Variants in SGCD observed in about 807,000 individuals in gnomAD.
The protein encoded by SGCD is delta-sarcoglycan.
Under a neutral mutation model 36.6 loss-of-function variants are expected in SGCD, and 18 were observed. The observed-to-expected ratio is 0.49, with a 90% CI of 0.34 to 0.73. The LOEUF is 0.73. Among genes scored for constraint, SGCD ranks in the 30% least tolerant of loss-of-function variants. The pLI, the probability that SGCD is intolerant of heterozygous loss-of-function variation, is 0.01. For missense variants in SGCD, 387 were observed against 346.7 expected (o/e 1.12, Z -0.92); for synonymous variants, 133 against 130.6 (o/e 1.02, Z -0.12).
the SGCD span, among the ~76,000 whole-genome samples, chr5:155,765,104 C>G: frequency 6.6e-6 from 1 of 151,690 alleles, no homozygotes; most frequent in Non-Finnish European, 1.5e-5. Flanking sequence ...CATAGTGAAC[C>G]CCCATCTCTA....
intron 1 of SGCD, among the ~76,000 whole-genome samples, chr5:155,930,208 T>A (rs527487719): frequency 6.6e-6 from 1 of 152,352 alleles, no homozygotes; most frequent in South Asian, 2.1e-4. Context: ...GTGTATTAAC[T>A]GTTTGATATC....
chr5:156,120,269 G>C (rs1762006026), intron 2 of SGCD, among the ~76,000 whole-genome samples: 1 of 152,024 alleles, frequency 6.6e-6, no homozygotes, highest in South Asian at 2.1e-4. Context: ...GGGAGGTGAG[G>C]AGCAAAGTAA....
rs77721698 is a variant in SGCD, at chr5:156,279,546, A to T, written c.-43-49988A>T. Among the ~76,000 whole-genome samples, 1,103 of 152,340 alleles carry T rather than the reference A, an allele frequency of 7.2e-3. 7 individuals are homozygous for T. The highest frequency in any genetic ancestry group is 0.02 in the African/African-American group (851 of 41,584). On this transcript the variant is annotated intron_variant, in intron 3 of 9. Transcript: ENST00000517913. ...TGAATAGACAGTTCAAAAAGAAGAA[A>T]TGTGTGAAACTCACAAACATGTAAA...
At chr5:155,906,509 A>G (rs908292647) in intron 1 of SGCD, among the ~76,000 whole-genome samples, 1 of 152,214 alleles carries the variant, frequency 6.6e-6, no homozygotes, top group South Asian at 2.1e-4. Flanking sequence ...GAGAAAATAT[A>G]AAGTGCTACT....
At chr5:156,657,875 A>AT (rs1184511721) in intron 7 of SGCD, among the ~76,000 whole-genome samples, 1 of 124,828 alleles carries the variant, frequency 8.0e-6, no homozygotes, top group Middle Eastern at 3.4e-3. Flanking sequence ...TTCCCTTAGT[A>AT]TTTATTGATC....
intron 1 of SGCD, among the ~76,000 whole-genome samples, chr5:156,076,728 A>G (rs1428336407): frequency 6.6e-6 from 1 of 152,210 alleles, no homozygotes; most frequent in African/African-American, 2.4e-5. Context: ...GTTTCACAAC[A>G]ATGGAGCACC....
chr5:156,497,649 C>T (rs1363515579), intron 3 of SGCD, among the ~76,000 whole-genome samples: 1 of 152,012 alleles, frequency 6.6e-6, no homozygotes, highest in Non-Finnish European at 1.5e-5. Context: ...CTCTCTCACA[C>T]ACACACACAC....
chr5:156,142,631 T>A (rs1316826988), intron 3 of SGCD, among the ~76,000 whole-genome samples: 1 of 152,154 alleles, frequency 6.6e-6, no homozygotes, highest in Non-Finnish European at 1.5e-5. Context: ...TTGCTATGCA[T>A]TAGTAAAGAG....
the SGCD span, among the ~76,000 whole-genome samples, chr5:155,745,047 GC>G: frequency 9.8e-5 from 15 of 152,294 alleles, no homozygotes; most frequent in African/African-American, 3.6e-4. Context: ...CTGTTCAATG[GC>G]AGCAGTGGAG....
intron 3 of SGCD, among the ~76,000 whole-genome samples, chr5:156,274,040 G>T (rs1165953546): frequency 1.3e-5 from 2 of 152,064 alleles, no homozygotes; most frequent in Admixed American, 1.3e-4. Context: ...TCCCCAGGGG[G>T]CTGTACTGAC....
intron 1 of SGCD, among the ~76,000 whole-genome samples, chr5:155,883,249 A>G (rs977597562): frequency 3.9e-5 from 6 of 152,180 alleles, no homozygotes; most frequent in Non-Finnish European, 5.9e-5. Flanking sequence ...TTTTCTTACC[A>G]TTCATGTGTT....
chr5:156,124,746 G>T (rs1762130636), intron 3 of SGCD, among the ~76,000 whole-genome samples: 1 of 152,052 alleles, frequency 6.6e-6, no homozygotes, highest in South Asian at 2.1e-4. Flanking sequence ...TATAGATAGA[G>T]TGTTGGGGAG....
chr5:156,617,089 C>T (rs973866169), intron 6 of SGCD, among the ~76,000 whole-genome samples: 2 of 152,184 alleles, frequency 1.3e-5, no homozygotes, highest in African/African-American at 4.8e-5. Context: ...TATCCTTCCT[C>T]ATTAGAATGT....
intron 1 of SGCD, among the ~76,000 whole-genome samples, chr5:155,888,422 A>G (rs1405353676): frequency 1.3e-5 from 2 of 152,242 alleles, no homozygotes. Context: ...CTGTTATAAC[A>G]AAAGACAGGG....
intron 7 of SGCD, among the ~76,000 whole-genome samples, chr5:156,690,338 A>G (rs1754061965): frequency 6.6e-6 from 1 of 152,196 alleles, no homozygotes; most frequent in South Asian, 2.1e-4. Flanking sequence ...TGTGGTTAAA[A>G]CAGATGATGT....
At chr5:156,365,338 G>A (rs565188010) in intron 3 of SGCD, among the ~76,000 whole-genome samples, 44 of 152,258 alleles carry the variant, frequency 2.9e-4, no homozygotes, top group African/African-American at 8.7e-4. Context: ...TCTGGGAGGC[G>A]TCTTCATGAA....
At chr5:156,048,631 A>G (rs1373824192) in intron 1 of SGCD, among the ~76,000 whole-genome samples, 10 of 152,136 alleles carry the variant, frequency 6.6e-5, no homozygotes, top group African/African-American at 2.4e-4. Flanking sequence ...TTCTTTTGAG[A>G]AGTGTCTGTT....
rs573471029 is a variant in SGCD at position 156,480,864 on chromosome 5, C to T, written c.193-27737C>T. ...AAGATGTCCATTAGGCATTAACACTCTTATTGCCTTCAAAGGCCACAACTA... is the reference window on the plus strand; with the variant it reads ...AAGATGTCCATTAGGCATTAACACTTTTATTGCCTTCAAAGGCCACAACTA... On this transcript the variant is annotated intron_variant, in intron 3 of 8. Transcript: ENST00000337851. Among the ~76,000 whole-genome samples, 10 of 152,270 alleles carry T rather than the reference C, an allele frequency of 6.6e-5. No individual in the cohort carries two copies. In the South Asian group the frequency reaches 1.9e-3, roughly 28 times the overall value.
chr5:156,579,513 G>A (rs1313015700), intron 4 of SGCD, among the ~76,000 whole-genome samples: 1 of 152,138 alleles, frequency 6.6e-6, no homozygotes, highest in Non-Finnish European at 1.5e-5. Context: ...ACAGTGGGGT[G>A]TTAAAGTATC....
Sources: allele counts gnomAD v4.1 joint callset (sites outside exome capture counted in the v4.1 genomes callset), GRCh38; gene constraint gnomAD v4.1.1; transcripts MANE v1.5; gene names NCBI Gene and HGNC (gene_info 2026-07-23, HGNC 2026-07-21).